The following LARP4B variants were observed in gnomAD, a reference collection of about 807,000 sequenced individuals.
The protein encoded by LARP4B is la-related protein 4B.
Under a neutral mutation model 89.8 loss-of-function variants are expected in LARP4B, and 12 were observed. The ratio of observed to expected loss-of-function variants is 0.13; its 90% confidence interval spans 0.09 to 0.22. The LOEUF is 0.22. LARP4B is among the 10% of genes least tolerant of loss of function. The pLI, the probability that LARP4B is intolerant of heterozygous loss-of-function variation, is 1.00. For missense variants in LARP4B, 757 were observed against 947.7 expected (o/e 0.80, Z 2.64); for synonymous variants, 367 against 363.3 (o/e 1.01, Z -0.12).
chr10:972,356 CA>C, the LARP4B span: 2 of 400,514 alleles, frequency 5.0e-6, no homozygotes, highest in Non-Finnish European at 9.7e-6. Context: ...CCACTTCCAC[CA>C]GGGGAAGGCC....
chr10:969,676 C>A, the LARP4B span, among the ~76,000 whole-genome samples: 1 of 152,052 alleles, frequency 6.6e-6, no homozygotes, highest in African/African-American at 2.4e-5. Context: ...CTGCAGTGAG[C>A]CAAGATTGCG....
intron 1 of LARP4B, among the ~76,000 whole-genome samples, chr10:892,896 A>G (rs1266742816): frequency 2.1e-5 from 3 of 142,686 alleles, no homozygotes; most frequent in East Asian, 2.0e-4. Flanking sequence ...AAATTCACCA[A>G]GAGAAATTTT....
chr10:838,022 TG>T (rs760928169), intron 7 of LARP4B, among the ~76,000 whole-genome samples: 1 of 152,128 alleles, frequency 6.6e-6, no homozygotes, highest in Non-Finnish European at 1.5e-5. Context: ...CATACATCAT[TG>T]ACAATGTGAC....
intron 1 of LARP4B, among the ~76,000 whole-genome samples, chr10:889,477 G>C (rs1835953652): frequency 6.6e-6 from 1 of 152,192 alleles, no homozygotes; most frequent in Non-Finnish European, 1.5e-5. Flanking sequence ...ATACCCGTAA[G>C]AAAACACGCA....
chr10:909,096 C>CCT lies in LARP4B; in HGVS notation c.-40+22331_-40+22332insAG, dbSNP rs1836586527. Among the ~76,000 whole-genome samples, 3 of 151,940 alleles carry CCT rather than the reference C, an allele frequency of 2.0e-5. No individual in the cohort carries two copies. The South Asian group carries it at 6.2e-4, about 32-fold the overall frequency. ...GATCACAAGGTCAGGAGATCAAGAT[C>CCT]ATCCTGGCTAACACGGTGAAACCCC... On this transcript the variant is annotated intron_variant, in intron 1 of 17. Transcript: ENST00000316157.
At chr10:857,947 A>G (rs1190535019) in intron 5 of LARP4B, among the ~76,000 whole-genome samples, 1 of 152,246 alleles carries the variant, frequency 6.6e-6, no homozygotes, top group Non-Finnish European at 1.5e-5. Flanking sequence ...ATCAAGAGCA[A>G]AAAGGGTGCT....
At chr10:945,697 A>T in the LARP4B span, among the ~76,000 whole-genome samples, 1 of 151,830 alleles carries the variant, frequency 6.6e-6, no homozygotes, top group Non-Finnish European at 1.5e-5. Context: ...CAGAAAAAAA[A>T]AAAAAAGACA....
At chr10:864,408 A>C (rs1334877277) in intron 3 of LARP4B, 138 bp from the exon 4 acceptor site, 5 of 692,198 alleles carry the variant, frequency 7.2e-6, no homozygotes, top group Non-Finnish European at 9.0e-6. Context: ...TTTGGAATGA[A>C]ATCAGGTTCA....
intron 1 of LARP4B, among the ~76,000 whole-genome samples, chr10:919,374 T>C (rs1217070038): frequency 6.6e-6 from 1 of 152,156 alleles, no homozygotes; most frequent in African/African-American, 2.4e-5. Context: ...CGCAAAAGGC[T>C]TATAAGCAAG....
chr10:855,028 G>A (rs1834234661), intron 5 of LARP4B, among the ~76,000 whole-genome samples: 1 of 152,124 alleles, frequency 6.6e-6, no homozygotes, highest in African/African-American at 2.4e-5. Context: ...AATAACCTCT[G>A]TGAGCTTCAA....
the LARP4B span, among the ~76,000 whole-genome samples, chr10:983,955 G>A: frequency 6.6e-6 from 1 of 152,190 alleles, no homozygotes; most frequent in Non-Finnish European, 1.5e-5. Context: ...AGCAGGAAAG[G>A]CACTTAGCTT....
At chr10:977,797 A>G in the LARP4B span, among the ~76,000 whole-genome samples, 1 of 152,186 alleles carries the variant, frequency 6.6e-6, no homozygotes, top group African/African-American at 2.4e-5. Flanking sequence ...CAGGGACTTG[A>G]GCATCCACTG....
chr10:873,990 G>C (rs1835351588), intron 3 of LARP4B, among the ~76,000 whole-genome samples: 2 of 152,180 alleles, frequency 1.3e-5, no homozygotes, highest in South Asian at 4.1e-4. Flanking sequence ...CCAGCACTTT[G>C]GGAGGCCGAG....
At chr10:863,663 G>C in intron 5 of LARP4B, 80 bp downstream of exon 5, 1 of 1,402,848 alleles carries the variant, frequency 7.1e-7, no homozygotes, top group South Asian at 1.4e-5. Context: ...ATTGTGTAGA[G>C]AATGTTAATA....
chr10:851,639 G>A lies in LARP4B; in HGVS notation c.431-6584C>T, dbSNP rs1834055870. Reference sequence around the variant, plus strand: ...AACAGAGTATTATGAACAACTCTGTGCTGTAAATCCCACAACTCAGATGAA... The same window carrying A: ...AACAGAGTATTATGAACAACTCTGTACTGTAAATCCCACAACTCAGATGAA... On this transcript the variant is annotated intron_variant, in intron 5 of 17. Transcript: ENST00000316157. Among the ~76,000 whole-genome samples the A allele has an allele frequency of 3.3e-5, 5 of 152,268 alleles. No individual in the cohort carries two copies. The South Asian group carries it at 1.0e-3, about 32-fold the overall frequency.
At chr10:865,489 T>C (rs1187464193) in intron 3 of LARP4B, among the ~76,000 whole-genome samples, 1 of 152,176 alleles carries the variant, frequency 6.6e-6, no homozygotes, top group Admixed American at 6.5e-5. Context: ...CCTGGCCTTG[T>C]CCATTTCCAG....
At chr10:853,430 T>TCC (rs776997832) in intron 5 of LARP4B, among the ~76,000 whole-genome samples, 2 of 152,092 alleles carry the variant, frequency 1.3e-5, no homozygotes, top group African/African-American at 2.4e-5. Flanking sequence ...AGGCCTGCAA[T>TCC]CCCAGCACTT....
chr10:875,764 T>G (rs570150657), intron 3 of LARP4B, among the ~76,000 whole-genome samples: 3 of 152,280 alleles, frequency 2.0e-5, no homozygotes, highest in African/African-American at 7.2e-5. Context: ...TATCACCCCT[T>G]AGAAGGCCCT....
the LARP4B span, among the ~76,000 whole-genome samples, chr10:959,783 T>C: frequency 0.018 from 182 of 10,336 alleles, 4 homozygotes; most frequent in African/African-American, 0.024. Context: ...TCCCACCTCC[T>C]CGTCATTCCC....
Sources: gnomAD v4.1 joint callset for allele counts (sites outside exome capture counted in the v4.1 genomes callset) on GRCh38, gnomAD v4.1.1 for gene constraint, MANE v1.5 for transcripts, NCBI Gene and HGNC (gene_info 2026-07-23, HGNC 2026-07-21) for gene names.